SLIT2: variants seen among roughly 807,000 people sequenced by gnomAD.
SLIT2 encodes the protein slit homolog 2 protein.
SLIT2 carries 41 observed loss-of-function variants against 185.7 expected under a neutral mutation model. The ratio of observed to expected loss-of-function variants is 0.22; its 90% confidence interval spans 0.17 to 0.29. SLIT2 has a LOEUF of 0.29. SLIT2 is among the 10% of genes least tolerant of loss of function. The pLI, the probability that SLIT2 is intolerant of heterozygous loss-of-function variation, is 1.00. For synonymous variants in SLIT2, 693 were observed against 680.2 expected (o/e 1.02, Z -0.29); for missense variants, 1,571 against 1,909.0 (o/e 0.82, Z 3.30).
At chr4:20,605,072 G>A (rs921119735) in intron 33 of SLIT2, among the ~76,000 whole-genome samples, 1 of 152,100 alleles carries the variant, frequency 6.6e-6, no homozygotes, top group Non-Finnish European at 1.5e-5. Flanking sequence ...CTGACATCGA[G>A]ATCCACCCAC....
chr4:20,417,435 TGTATATATATATATATATATATAC>T (rs1019050371), intron 4 of SLIT2, among the ~76,000 whole-genome samples: 3 of 133,442 alleles, frequency 2.2e-5, no homozygotes, highest in Non-Finnish European at 3.2e-5. Flanking sequence ...TATGTGTGTG[TGTATATATATATATATATATATAC>T]GTATATATAT....
At chr4:20,415,684 T>TA (rs976746513) in intron 4 of SLIT2, among the ~76,000 whole-genome samples, 1 of 152,156 alleles carries the variant, frequency 6.6e-6, no homozygotes, top group Non-Finnish European at 1.5e-5. Context: ...ACAGCTTTAT[T>TA]ATAGCTATCA....
chr4:20,253,696 C>G lies in SLIT2; in HGVS notation c.-120C>G, dbSNP rs1722216655. On this transcript the variant is annotated 5_prime_UTR_variant, in exon 1 of 37. Coordinates refer to ENST00000504154, the MANE Select transcript of SLIT2 (RefSeq NM_004787.4). ...TCCATATTATTTGGTGCACATTTTC[C>G]CTGGCACTCTGGGTTGCTAGCCCCG... 1 of 1,211,134 alleles carries G rather than the reference C, an allele frequency of 8.3e-7. No homozygotes were observed. Among genetic ancestry groups the G allele is most frequent in the Non-Finnish European group, 1.2e-6 (1 of 858,484 alleles). 75.0% of individuals were successfully genotyped at this position (1,211,134 alleles called of 1,614,324 possible).
chr4:20,286,616 C>G (rs1715290430), intron 4 of SLIT2, among the ~76,000 whole-genome samples: 1 of 152,108 alleles, frequency 6.6e-6, no homozygotes, highest in Non-Finnish European at 1.5e-5. Flanking sequence ...GCCTGACCAA[C>G]ATGGTGAAAC....
At chr4:20,477,159 A>T (rs1210489879) in intron 5 of SLIT2, among the ~76,000 whole-genome samples, 1 of 145,390 alleles carries the variant, frequency 6.9e-6, no homozygotes, top group African/African-American at 2.6e-5. Context: ...CTACCATAAA[A>T]AAAAAAAAAA....
chr4:20,504,459 A>G (rs1237658855), intron 9 of SLIT2, among the ~76,000 whole-genome samples: 1 of 152,156 alleles, frequency 6.6e-6, no homozygotes, highest in Non-Finnish European at 1.5e-5. Flanking sequence ...TGGGTATTAT[A>G]AAAACTTTTT....
At chr4:20,384,421 A>C (rs4552454) in intron 4 of SLIT2, among the ~76,000 whole-genome samples, 135,553 of 152,190 alleles carry the variant, frequency 0.89, 60,431 homozygotes, top group East Asian at 0.97. Flanking sequence ...GTGACAGAAG[A>C]ATTCTGCATC....
chr4:20,532,945 G>A (rs1229665051), intron 17 of SLIT2, among the ~76,000 whole-genome samples: 1 of 152,166 alleles, frequency 6.6e-6, no homozygotes, highest in Admixed American at 6.5e-5. Context: ...TTGTTTGGGA[G>A]ACACTCCTGG....
chr4:20,442,636 C>T (rs777640374), intron 4 of SLIT2, among the ~76,000 whole-genome samples: 6 of 151,664 alleles, frequency 4.0e-5, no homozygotes, highest in Non-Finnish European at 8.8e-5. Flanking sequence ...ACTTTGAAAG[C>T]AGCATAGGAA....
chr4:20,351,738 T>C (rs1721894895), intron 4 of SLIT2, among the ~76,000 whole-genome samples: 1 of 152,210 alleles, frequency 6.6e-6, no homozygotes, highest in African/African-American at 2.4e-5. Flanking sequence ...CCCTGGGCTT[T>C]GTCCCTATGA....
intron 12 of SLIT2, among the ~76,000 whole-genome samples, chr4:20,521,044 C>G (rs942784804): frequency 6.6e-6 from 1 of 152,184 alleles, no homozygotes; most frequent in African/African-American, 2.4e-5. Flanking sequence ...TGACTCACCT[C>G]TCTGCCATTC....
At chr4:20,586,850 A>G (rs1216277775) in intron 29 of SLIT2, among the ~76,000 whole-genome samples, 1 of 152,168 alleles carries the variant, frequency 6.6e-6, no homozygotes, top group Non-Finnish European at 1.5e-5. Flanking sequence ...GCAAAAGGAG[A>G]AACCATTAGC....
chr4:20,580,347 T>TAA (rs765826482), intron 29 of SLIT2, among the ~76,000 whole-genome samples: 1 of 151,638 alleles, frequency 6.6e-6, no homozygotes, highest in Non-Finnish European at 1.5e-5. Flanking sequence ...TGATATAATG[T>TAA]AAAGTAATAA....
At chr4:20,325,092 A>G (rs958911579) in intron 4 of SLIT2, among the ~76,000 whole-genome samples, 1 of 150,804 alleles carries the variant, frequency 6.6e-6, no homozygotes, top group South Asian at 2.1e-4. Flanking sequence ...TCTCCCTCCT[A>G]AGCTCTTTTT....
At chr4:20,550,207 A>T (rs1379228542) in intron 24 of SLIT2, among the ~76,000 whole-genome samples, 2 of 152,068 alleles carry the variant, frequency 1.3e-5, no homozygotes, top group Non-Finnish European at 1.5e-5. Flanking sequence ...TGCACTTCCA[A>T]TTAGTAGAGC....
intron 11 of SLIT2, among the ~76,000 whole-genome samples, chr4:20,515,691 A>G (rs1187682277): frequency 6.7e-6 from 1 of 150,130 alleles, no homozygotes; most frequent in Non-Finnish European, 1.5e-5. Flanking sequence ...AAAAAAATTT[A>G]TAAGTATAAT....
At chr4:20,511,587 A>ATTTTTTTTTTTTTTATTT (rs1719729039) in intron 11 of SLIT2, among the ~76,000 whole-genome samples, 1 of 82,210 alleles carries the variant, frequency 1.2e-5, no homozygotes, top group African/African-American at 5.0e-5. Flanking sequence ...CATCCAGCTA[A>ATTTTTTTTTTTTTTATTT]TTTTTTTTTT....
intron 4 of SLIT2, among the ~76,000 whole-genome samples, chr4:20,341,234 A>T (rs1398428702): frequency 6.6e-6 from 1 of 152,214 alleles, no homozygotes; most frequent in Non-Finnish European, 1.5e-5. Flanking sequence ...AGGAGAGCTG[A>T]AGGAATTGTG....
chr4:20,262,182 C>G lies in SLIT2; in HGVS notation c.323+4243C>G, dbSNP rs564575344. 2.1e-3 allele frequency among the ~76,000 whole-genome samples: 324 copies of G among 151,926 alleles called. 3 individuals carry two copies. Among genetic ancestry groups the G allele is most frequent in the Non-Finnish European group, 3.8e-3 (259 of 67,798 alleles). ...AGTGGAGCCTACATTTGACTAAACA[C>G]TACATTCTAATGAGATGGTATGTAA... On this transcript the variant is annotated intron_variant, in intron 3 of 36. Coordinates refer to ENST00000504154, the MANE Select transcript of SLIT2 (RefSeq NM_004787.4).
Sources: gnomAD v4.1 joint callset for allele counts (sites outside exome capture counted in the v4.1 genomes callset) on GRCh38, gnomAD v4.1.1 for gene constraint, MANE v1.5 for transcripts, NCBI Gene and HGNC (gene_info 2026-07-23, HGNC 2026-07-21) for gene names.